THOC2: variants seen among roughly 807,000 people sequenced by gnomAD.
THOC2 encodes THO complex subunit 2, also known as THO complex 2.
A neutral mutation model predicts 128.4 loss-of-function variants in THOC2; 10 were observed. That is an observed-to-expected ratio of 0.08 (90% confidence interval 0.05 to 0.13). THOC2 has a LOEUF of 0.13. THOC2 is among the 10% of genes least tolerant of loss of function. The probability of loss-of-function intolerance (pLI) is 1.00; values close to 1 mark genes in which losing one functional copy is unlikely to be tolerated. For missense variants in THOC2, 535 were observed against 1,155.7 expected (o/e 0.46, Z 7.79); for synonymous variants, 393 against 396.9 (o/e 0.99, Z 0.12).
chrX:123,624,251 T>C (rs2047181792), intron 26 of THOC2, 60 bp from the exon 27 acceptor site: 2 of 1,054,373 alleles, frequency 1.9e-6, no homozygotes, highest in South Asian at 2.3e-5. Flanking sequence ...ATAGCAGAAA[T>C]TGAAACTTAA....
intron 38 of THOC2, among the ~76,000 whole-genome samples, chrX:123,607,851 C>A (rs200749693): frequency 9.1e-6 from 1 of 110,129 alleles, no homozygotes; most frequent in Non-Finnish European, 1.9e-5. Flanking sequence ...TGTAAATAGA[C>A]GGTTCCAATC....
At chrX:123,603,640 G>A (rs900025438) in intron 38 of THOC2, 3 of 541,027 alleles carry the variant, frequency 5.5e-6, no homozygotes, top group Admixed American at 2.6e-5. Flanking sequence ...CCCATTAAAT[G>A]GACAGCACCA....
chrX:123,629,015 G>GA (rs1327167696), intron 22 of THOC2, among the ~76,000 whole-genome samples: 1 of 108,942 alleles, frequency 9.2e-6, no homozygotes, highest in East Asian at 2.8e-4. Context: ...TAATTTGGGG[G>GA]AAAAAACAGA....
intron 26 of THOC2, 39 bp from the exon 27 acceptor site, chrX:123,624,230 T>C (rs755044906): frequency 2.7e-6 from 3 of 1,120,814 alleles, no homozygotes; most frequent in African/African-American, 3.7e-5. Context: ...AGAAAAATTA[T>C]GATCCACAAA....
rs759466637 is a variant in THOC2 at position 123,660,644 on chromosome X, G to A, written c.1386+4998C>T. 3.6e-5 allele frequency among the ~76,000 whole-genome samples: 4 copies of A among 112,067 alleles called. No homozygotes were observed. In the South Asian group the frequency reaches 1.5e-3, roughly 42 times the overall value. The stretch of plus-strand genomic sequence containing the variant: ...ATACAGCCCTTTTGTTTCTTGAGCA[G>A]GCACTAGCTAACATGAATCATCCTT... On this transcript the variant is annotated intron_variant, in intron 12 of 38. Coordinates refer to ENST00000245838, the MANE Select transcript of THOC2 (RefSeq NM_001081550.2).
At chrX:123,632,053 C>T (rs1214311580) in intron 21 of THOC2, among the ~76,000 whole-genome samples, 1 of 111,038 alleles carries the variant, frequency 9.0e-6, no homozygotes, top group Admixed American at 9.6e-5. Flanking sequence ...GTTTTACTAG[C>T]CAACTAGGTC....
At chrX:123,642,846 G>A (rs1408877019) in intron 15 of THOC2, among the ~76,000 whole-genome samples, 1 of 110,985 alleles carries the variant, frequency 9.0e-6, no homozygotes, top group Non-Finnish European at 1.9e-5. Context: ...TTTTCCTTGA[G>A]GGGAAGAACT....
chrX:123,677,871 C>CAAA (rs1179685021), intron 8 of THOC2, among the ~76,000 whole-genome samples: 2 of 29,396 alleles, frequency 6.8e-5, no homozygotes, highest in Admixed American at 4.2e-4. Context: ...AACTCCGTCG[C>CAAA]AAAAAAAAAA....
chrX:123,700,587 C>A (rs1032659756), intron 4 of THOC2, among the ~76,000 whole-genome samples: 4 of 103,956 alleles, frequency 3.8e-5, no homozygotes, highest in African/African-American at 1.1e-4. Flanking sequence ...TATCTTAACC[C>A]GGAAAGTGCA....
chrX:123,688,120 G>A (rs2050082033), intron 7 of THOC2, among the ~76,000 whole-genome samples: 1 of 111,987 alleles, frequency 8.9e-6, no homozygotes. Context: ...ATTTACCCAA[G>A]AGAAATAAAT....
intron 26 of THOC2, among the ~76,000 whole-genome samples, 171 bp downstream of exon 26, chrX:123,624,370 A>G (rs2047185359): frequency 8.9e-6 from 1 of 112,657 alleles, no homozygotes; most frequent in Admixed American, 9.4e-5. Context: ...AGTTTGAGAT[A>G]GAATAAAAAA....
intron 9 of THOC2, among the ~76,000 whole-genome samples, chrX:123,670,047 C>T (rs1214108093): frequency 8.9e-6 from 1 of 112,108 alleles, no homozygotes; most frequent in East Asian, 2.8e-4. Context: ...TCCACATATG[C>T]CGGTCTATAC....
intron 4 of THOC2, among the ~76,000 whole-genome samples, chrX:123,699,863 G>A (rs745586272): frequency 8.9e-6 from 1 of 111,897 alleles, no homozygotes; most frequent in Non-Finnish European, 1.9e-5. Context: ...GTTAGGAAAC[G>A]CTTAAAAGAG....
chrX:123,621,765 G>A (rs192178163), intron 30 of THOC2, among the ~76,000 whole-genome samples, 178 bp from the exon 31 acceptor site: 24 of 112,306 alleles, frequency 2.1e-4, no homozygotes, highest in East Asian at 8.4e-4. Context: ...AGTAATGGTC[G>A]GGTGCAGTGG....
intron 12 of THOC2, among the ~76,000 whole-genome samples, chrX:123,648,590 A>C (rs2048227804): frequency 8.9e-6 from 1 of 112,618 alleles, no homozygotes; most frequent in Admixed American, 9.4e-5. Flanking sequence ...CCAGCACAGC[A>C]GTCTGAAGTC....
intron 31 of THOC2, 31 bp from the exon 32 acceptor site, chrX:123,620,996 A>T: frequency 1.7e-6 from 2 of 1,196,970 alleles, no homozygotes; most frequent in Middle Eastern, 4.7e-4. Flanking sequence ...AGTCAGAATA[A>T]GGTACATTTC....
At chrX:123,649,792 A>T (rs1425142517) in intron 12 of THOC2, among the ~76,000 whole-genome samples, 1 of 111,549 alleles carries the variant, frequency 9.0e-6, no homozygotes, top group Non-Finnish European at 1.9e-5. Flanking sequence ...GCTTCCAAGA[A>T]ATATGGGACT....
chrX:123,715,102 C>T (rs946836687), intron 1 of THOC2, among the ~76,000 whole-genome samples: 25 of 105,535 alleles, frequency 2.4e-4, no homozygotes, highest in Non-Finnish European at 4.1e-4. Context: ...TCACTGCAGC[C>T]TCGACCTGAG....
At chrX:123,705,248 A>C (rs929447891) in intron 3 of THOC2, among the ~76,000 whole-genome samples, 13 of 111,912 alleles carry the variant, frequency 1.2e-4, no homozygotes, top group Non-Finnish European at 1.5e-4. Context: ...GTAAGAACCA[A>C]ACACACATAT....
Sources: gnomAD v4.1 joint callset for allele counts (sites outside exome capture counted in the v4.1 genomes callset) on GRCh38, gnomAD v4.1.1 for gene constraint, MANE v1.5 for transcripts, NCBI Gene and HGNC (gene_info 2026-07-23, HGNC 2026-07-21) for gene names.